SMARCA2: variants seen among roughly 807,000 people sequenced by gnomAD.
The protein encoded by SMARCA2 is SWI/SNF-related matrix-associated actin-dependent regulator of chromatin subfamily A member 2.
In SMARCA2, 61 loss-of-function variants were observed where a neutral mutation model predicts 199.8. The ratio of observed to expected loss-of-function variants is 0.31; its 90% confidence interval spans 0.25 to 0.38. The LOEUF (loss-of-function observed/expected upper bound fraction) is 0.38, where lower values mean the gene tolerates loss of function less well. SMARCA2 is among the 10% of genes least tolerant of loss of function. The probability of loss-of-function intolerance (pLI) is 1.00; values close to 1 mark genes in which losing one functional copy is unlikely to be tolerated. For synonymous variants in SMARCA2, 935 were observed against 732.0 expected (o/e 1.28, Z -4.48); for missense variants, 1,344 against 2,012.2 (o/e 0.67, Z 6.35).
At chr9:2,061,100 T>G in intron 9 of SMARCA2, 114 bp downstream of exon 9, 1 of 1,033,340 alleles carries the variant, frequency 9.7e-7, no homozygotes, top group Admixed American at 2.8e-5. Flanking sequence ...GTTTAGATGA[T>G]TGAATTGTGA....
intron 19 of SMARCA2, among the ~76,000 whole-genome samples, chr9:2,092,503 G>C (rs1186057172): frequency 6.6e-6 from 1 of 152,178 alleles, no homozygotes; most frequent in Non-Finnish European, 1.5e-5. Flanking sequence ...ATCGCATGTA[G>C]TTTAGGTTTA....
At chr9:2,021,892 GT>G (rs2130134475) in intron 1 of SMARCA2, 1 of 151,070 alleles carries the variant, frequency 6.6e-6, no homozygotes, top group South Asian at 2.1e-4. Flanking sequence ...ATGGGATAAG[GT>G]TGCTGTAGGG....
At position 2,192,685 on chromosome 9, in the gene SMARCA2, T is replaced by A; in HGVS notation, c.4738-19T>A. On this transcript the variant is annotated intron_variant, in intron 33 of 33. Transcript: ENST00000349721. ...GCATGTGATGTTACTTCATTTTATC[T>A]TCTTATTTTTACTTTTAGGAACAGT... The A allele has an allele frequency of 6.4e-7, 1 of 1,571,170 alleles. No homozygotes were observed. Among genetic ancestry groups the A allele is most frequent in the South Asian group, 1.1e-5 (1 of 90,232 alleles).
chr9:2,112,289 T>C (rs929273576), intron 24 of SMARCA2, among the ~76,000 whole-genome samples: 5 of 152,204 alleles, frequency 3.3e-5, no homozygotes, highest in African/African-American at 1.2e-4. Context: ...GAGGACGATC[T>C]ATAGGTGAAT....
At chr9:2,018,968 A>G (rs112986821) in intron 1 of SMARCA2, among the ~76,000 whole-genome samples, 1,869 of 152,344 alleles carry the variant, frequency 0.012, 42 homozygotes, top group African/African-American at 0.043. Flanking sequence ...ATTGTTATGC[A>G]AAATGAGACA....
At chr9:2,173,737 C>T (rs1351232601) in intron 29 of SMARCA2, among the ~76,000 whole-genome samples, 2 of 152,142 alleles carry the variant, frequency 1.3e-5, no homozygotes, top group African/African-American at 4.8e-5. Context: ...GCCAGAGGCC[C>T]TGGGAAGTCT....
intron 26 of SMARCA2, among the ~76,000 whole-genome samples, chr9:2,120,850 G>A (rs572110796): frequency 2.6e-5 from 4 of 152,156 alleles, no homozygotes; most frequent in African/African-American, 9.7e-5. Context: ...TAACAGCATG[G>A]TCAATGTAGG....
Position 2,123,737 on chromosome 9 carries a change from CGGAG to C in SMARCA2, c.3785_3788del (p.Arg1262LysfsTer12). The stretch of plus-strand genomic sequence containing the variant: ...TCTCCAGCGGATGGACATGGACCGG[CGGAG>C]GGAAGATGCCCGGAACCCGAAACGG... On this transcript the variant is annotated frameshift_variant, in exon 27 of 34. Coordinates refer to ENST00000349721, the MANE Select transcript of SMARCA2 (RefSeq NM_003070.5). LOFTEE classifies it high-confidence loss of function. This position sits in a 1 kb window ranked among gnomAD's most constrained non-coding sequence, Gnocchi z 4.1. The C allele has an allele frequency of 6.2e-7, 1 of 1,613,928 alleles. No individual in the cohort carries two copies. Among genetic ancestry groups the C allele is most frequent in the Non-Finnish European group, 8.5e-7 (1 of 1,179,966 alleles).
intron 32 of SMARCA2, among the ~76,000 whole-genome samples, chr9:2,187,026 C>G (rs1827508461): frequency 6.6e-6 from 1 of 152,128 alleles, no homozygotes; most frequent in South Asian, 2.1e-4. Flanking sequence ...CCAGGGGGAA[C>G]TGATGATGTT....
In SMARCA2 at chr9:2,039,846, C is replaced by T. The variant is rs766904459; in HGVS notation, c.736C>T (p.Pro246Ser). The T allele has an allele frequency of 1.4e-5, 22 of 1,613,378 alleles. No homozygotes were observed. In the Admixed American group the frequency reaches 3.7e-4, roughly 27 times the overall value. Residue 246 changes from proline to serine, a missense_variant, in exon 4 of 34, where the codon CCA becomes TCA. This residue lies in a region of SMARCA2 where 117 missense variants were observed against 99.1 expected (regional missense o/e 1.18). Transcript: ENST00000349721. The surrounding 1 kb of genome is among the most constrained non-coding windows in gnomAD (Gnocchi z 4.8). ...QQQPQQQPPQ[P>S]QTQQQQQPAL... ...GCAGCCGCAGCAGCAGCCGCCGCAACCACAGACGCAGCAACAACAGCAGCC... is the reference window on the plus strand; with the variant it reads ...GCAGCCGCAGCAGCAGCCGCCGCAATCACAGACGCAGCAACAACAGCAGCC...
In SMARCA2 at chr9:2,123,598, G is replaced by A; in HGVS notation, c.3763-121G>A. The A allele has an allele frequency of 2.4e-6, 2 of 818,864 alleles. No homozygotes were observed. Among genetic ancestry groups the A allele is most frequent in the Non-Finnish European group, 2.1e-6 (1 of 484,550 alleles). 50.7% of individuals were successfully genotyped at this position (818,864 alleles called of 1,614,324 possible). ...TGAGCTAGAACAAGCCAACCAGGAT[G>A]AGAGAGGTTGAAAGGGACCCTGCAG... On this transcript the variant is annotated intron_variant, in intron 26 of 33. Transcript: ENST00000349721. This position sits in a 1 kb window ranked among gnomAD's most constrained non-coding sequence, Gnocchi z 4.1.
At position 2,081,841 on chromosome 9, in the gene SMARCA2, C is replaced by G; in HGVS notation, c.2194C>G (p.Leu732Val). 1.2e-6 allele frequency: 2 copies of G among 1,613,966 alleles called. No homozygotes were observed. The highest frequency in any genetic ancestry group is 1.7e-6 in the Non-Finnish European group (2 of 1,179,938). ...TTACTCTTCATTTCAGCTCCAGGGC[C>G]TGGAATGGATGGTTTCCCTGTATAA... ...GTLKHYQLQG[L>V]EWMVSLYNNN... The change falls in exon 15 of 34, where the codon CTG (leucine) becomes GTG (valine). Residue 732 changes from leucine to valine, a missense_variant. Around this residue, in one of 18 missense-constraint regions of SMARCA2, gnomAD observed 106 missense variants for 179.7 expected, o/e 0.59. Transcript: ENST00000349721.
rs565592699 is a variant in SMARCA2, at chr9:2,105,763, G to C, written c.3292+1594G>C. Among the ~76,000 whole-genome samples the C allele has an allele frequency of 1.2e-4, 18 of 152,266 alleles. No homozygotes were observed. In the South Asian group the frequency reaches 3.3e-3, roughly 28 times the overall value. On this transcript the variant is annotated intron_variant, in intron 23 of 33. Coordinates refer to ENST00000349721, the MANE Select transcript of SMARCA2 (RefSeq NM_003070.5). ...AAAGACAAACTGTCCTTTACCTGCTGCTCAAGTGAGGGGCTGTGGGGTTGT... is the reference window on the plus strand; with the variant it reads ...AAAGACAAACTGTCCTTTACCTGCTCCTCAAGTGAGGGGCTGTGGGGTTGT...
intron 27 of SMARCA2, chr9:2,160,427 C>T (rs1825606686): frequency 1.8e-6 from 1 of 543,250 alleles, no homozygotes; most frequent in Non-Finnish European, 3.3e-6. Flanking sequence ...TTTTAAAAAT[C>T]CCACTGGCAT....
intron 33 of SMARCA2, 51 bp downstream of exon 33, chr9:2,191,459 G>C: frequency 6.3e-7 from 1 of 1,599,388 alleles, no homozygotes; most frequent in Non-Finnish European, 8.5e-7. Flanking sequence ...TCCCCTGCTT[G>C]CTGGCCTCTT....
At position 2,192,743 on chromosome 9, in the gene SMARCA2, G is replaced by A. The variant is rs747001194; in HGVS notation, c.*4G>A. The A allele has an allele frequency of 5.6e-6, 9 of 1,604,202 alleles. No homozygotes were observed. The highest frequency in any genetic ancestry group is 4.4e-5 in the South Asian group (4 of 90,866). ...AAGTGGGACGGATGATGAGTGATCAGTATGGACCTTTTTCCTTGGTAGAAC... is the reference window on the plus strand; with the variant it reads ...AAGTGGGACGGATGATGAGTGATCAATATGGACCTTTTTCCTTGGTAGAAC... On this transcript the variant is annotated 3_prime_UTR_variant, in exon 34 of 34. Transcript: ENST00000349721.
intron 27 of SMARCA2, among the ~76,000 whole-genome samples, chr9:2,138,198 A>G (rs1479233206): frequency 1.3e-5 from 2 of 152,050 alleles, no homozygotes; most frequent in Admixed American, 6.5e-5. Context: ...AAAAAAACAG[A>G]TAAATACATC....
chr9:2,055,598 G>GTT (rs1820317650), intron 6 of SMARCA2: 1 of 152,220 alleles, frequency 6.6e-6, no homozygotes, highest in Admixed American at 6.5e-5. Flanking sequence ...TAAAATCACA[G>GTT]GCCACTCCAG....
In SMARCA2 at chr9:2,119,328, C is replaced by A; in HGVS notation, c.3685-130C>A. ...AAAATAGTAACGTCAAGGACTAAAT[C>A]CAGCAACCCCTTCCCTTTTCTTTCT... On this transcript the variant is annotated intron_variant, in intron 25 of 33. Transcript: ENST00000349721. This position sits in a 1 kb window ranked among gnomAD's most constrained non-coding sequence, Gnocchi z 4.6. The A allele has an allele frequency of 1.6e-6, 1 of 629,810 alleles. No individual in the cohort carries two copies. The highest frequency in any genetic ancestry group is 2.0e-5 in the South Asian group (1 of 49,892). The allele number at this position is 629,810 out of a possible 1,614,324, so 39.0% of individuals were successfully genotyped here. A position where few individuals can be genotyped will look rare whatever the true frequency, so the allele number is the denominator to read the frequency against.
Sources: allele counts gnomAD v4.1 joint callset (sites outside exome capture counted in the v4.1 genomes callset), GRCh38; gene constraint gnomAD v4.1.1; regional missense constraint gnomAD v4.1.1; non-coding constraint Gnocchi (gnomAD v3.1); transcripts MANE v1.5; gene names NCBI Gene and HGNC (gene_info 2026-07-23, HGNC 2026-07-21).